Variants in NUP35 observed in about 807,000 individuals in gnomAD.
NUP35 encodes the protein nucleoporin NUP35.
A neutral mutation model predicts 41.5 loss-of-function variants in NUP35; 25 were observed. The observed-to-expected ratio is 0.60, with a 90% CI of 0.44 to 0.84. NUP35 has a LOEUF of 0.84. Among genes scored for constraint, NUP35 ranks in the 40% least tolerant of loss-of-function variants. The pLI is 0.00. For synonymous variants in NUP35, 149 were observed against 130.7 expected (o/e 1.14, Z -0.96); for missense variants, 396 against 396.6 (o/e 1.00, Z 0.01).
At chr2:183,138,735 A>G (rs992938971) in intron 4 of NUP35, among the ~76,000 whole-genome samples, 1 of 151,588 alleles carries the variant, frequency 6.6e-6, no homozygotes, top group Non-Finnish European at 1.5e-5. Context: ...AAGTTCTTTC[A>G]CTTATATATT....
At chr2:183,141,631 T>C (rs1685100459) in intron 4 of NUP35, among the ~76,000 whole-genome samples, 1 of 152,228 alleles carries the variant, frequency 6.6e-6, no homozygotes, top group Non-Finnish European at 1.5e-5. Context: ...GATTCTCCAA[T>C]AGTTAATAAT....
chr2:183,161,647 TAA>T lies in NUP35; in HGVS notation c.*518_*519del, dbSNP rs1203383202. 1 of 152,278 alleles carries T rather than the reference TAA, an allele frequency of 6.6e-6. No individual in the cohort carries two copies. The highest frequency in any genetic ancestry group is 1.9e-4 in the East Asian group (1 of 5,204). 9.4% of individuals were successfully genotyped at this position (152,278 alleles called of 1,614,324 possible). On this transcript the variant is annotated 3_prime_UTR_variant, in exon 9 of 9. Coordinates refer to ENST00000295119, the MANE Select transcript of NUP35 (RefSeq NM_138285.5). ...AAAACGAGCATTCTTTTAAAAAACC[TAA>T]AGTTTCTTGATAATAAACATTGTCA...
In NUP35 at chr2:183,158,420, T is replaced by C. The variant is rs756887954; in HGVS notation, c.738+9T>C. The C allele has an allele frequency of 1.5e-5, 24 of 1,589,270 alleles. 1 individual carries two copies. In the South Asian group the frequency reaches 2.6e-4, roughly 18 times the overall value. On this transcript the variant is annotated intron_variant, in intron 7 of 8. Transcript: ENST00000295119. ...AACCATGTATTGACAAAGTAAGTTA[T>C]TGGTGATGTAGGCAAAGTAGCTTAA...
intron 4 of NUP35, among the ~76,000 whole-genome samples, chr2:183,140,170 C>G (rs1211371853): frequency 6.6e-6 from 1 of 152,102 alleles, no homozygotes; most frequent in Non-Finnish European, 1.5e-5. Flanking sequence ...TGAAGTAGGC[C>G]TCAGTGGACT....
intron 3 of NUP35, 151 bp from the exon 4 acceptor site, chr2:183,133,415 T>C (rs1684764623): frequency 9.2e-6 from 5 of 544,304 alleles, no homozygotes; most frequent in South Asian, 7.9e-5. Flanking sequence ...GTTTAACTTA[T>C]GGGGAAAAAA....
At chr2:183,133,510 A>C in intron 3 of NUP35, 56 bp from the exon 4 acceptor site, 1 of 1,390,696 alleles carries the variant, frequency 7.2e-7, no homozygotes, top group Non-Finnish European at 1.0e-6. Context: ...GCCTTTTAAC[A>C]CTTACTGTAT....
intron 5 of NUP35, among the ~76,000 whole-genome samples, chr2:183,157,040 G>A (rs540416905): frequency 1.3e-5 from 2 of 152,058 alleles, no homozygotes; most frequent in East Asian, 1.9e-4. Context: ...ATAATGATTC[G>A]TTTATAATTT....
At chr2:183,149,799 T>G (rs150190192) in intron 4 of NUP35, among the ~76,000 whole-genome samples, 81 of 152,358 alleles carry the variant, frequency 5.3e-4, no homozygotes, top group African/African-American at 1.9e-3. Flanking sequence ...TATTATCCTG[T>G]TTCCTAATTT....
upstream of NUP35, among the ~76,000 whole-genome samples, chr2:183,122,063 ATCTTTT>A (rs1480811503): frequency 2.0e-5 from 3 of 150,088 alleles, no homozygotes; most frequent in East Asian, 2.0e-4. Context: ...TTTGGTGCAA[ATCTTTT>A]TCTTTTTCTT....
intron 8 of NUP35, 33 bp downstream of exon 8, chr2:183,159,685 T>TAA: frequency 6.4e-7 from 1 of 1,552,488 alleles, no homozygotes; most frequent in Non-Finnish European, 8.9e-7. Context: ...AAAGATGTAC[T>TAA]TTAATGGCTG....
intron 1 of NUP35, among the ~76,000 whole-genome samples, chr2:183,125,718 A>G (rs1009849685): frequency 6.6e-6 from 1 of 152,232 alleles, no homozygotes; most frequent in African/African-American, 2.4e-5. Context: ...AATGTGAGTA[A>G]ACCAATCCCT....
At chr2:183,140,375 G>A (rs1046486829) in intron 4 of NUP35, among the ~76,000 whole-genome samples, 2 of 151,588 alleles carry the variant, frequency 1.3e-5, no homozygotes, top group Non-Finnish European at 2.9e-5. Context: ...GGACCTTATT[G>A]GTTATATTGG....
chr2:183,159,785 C>T (rs748925134), intron 8 of NUP35, 133 bp downstream of exon 8: 92 of 622,650 alleles, frequency 1.5e-4, no homozygotes, highest in Non-Finnish European at 1.8e-4. Flanking sequence ...GAAACCTTTA[C>T]GCTTTAAAAG....
At chr2:183,148,288 G>A (rs1685348589) in intron 4 of NUP35, among the ~76,000 whole-genome samples, 1 of 152,076 alleles carries the variant, frequency 6.6e-6, no homozygotes, top group Admixed American at 6.6e-5. Context: ...CTATCTTTTT[G>A]TTATATTATT....
chr2:183,118,860 T>C (rs1019624493), intron 1 of NUP35: 5 of 152,210 alleles, frequency 3.3e-5, no homozygotes, highest in Admixed American at 6.5e-5. Context: ...GGGTTTTACA[T>C]GTTGGCATAC....
At chr2:183,137,886 C>T (rs2952362) in intron 4 of NUP35, among the ~76,000 whole-genome samples, 113 of 151,758 alleles carry the variant, frequency 7.4e-4, no homozygotes, top group African/African-American at 2.6e-3. Flanking sequence ...ATTTTCCTAC[C>T]GTTGTCAAGT....
intron 5 of NUP35, among the ~76,000 whole-genome samples, chr2:183,153,767 G>A (rs1439095608): frequency 1.3e-5 from 2 of 152,170 alleles, no homozygotes; most frequent in African/African-American, 2.4e-5. Flanking sequence ...GGGGACTGGA[G>A]GATGGTGGCC....
Position 183,159,633 on chromosome 2 carries a change from C to T in NUP35, c.884C>T (p.Ala295Val). Residue 295 changes from alanine (A) to valine (V), a missense_variant, in exon 8 of 9, where the codon GCC becomes GTC. Transcript: ENST00000295119. ...TMRPLATAYK[A>V]STSDYQVISD... ...AGACCTCTTGCTACAGCATACAAAGCCTCTACTAGTGATTATCAGGTATTT... is the reference window on the plus strand; with the variant it reads ...AGACCTCTTGCTACAGCATACAAAGTCTCTACTAGTGATTATCAGGTATTT... The T allele has an allele frequency of 6.2e-7, 1 of 1,612,506 alleles. No individual in the cohort carries two copies. The highest frequency in any genetic ancestry group is 1.7e-5 in the Admixed American group (1 of 59,852).
Position 183,158,298 on chromosome 2 carries a change from A to G in NUP35, c.625A>G (p.Asn209Asp), listed in dbSNP as rs777369395. 1.9e-6 allele frequency: 3 copies of G among 1,593,942 alleles called. No homozygotes were observed. The highest frequency in any genetic ancestry group is 2.3e-5 in the South Asian group (2 of 87,456). ...ILKHVMSNTGNWMHIRYQSKL... is the reference protein window; with the variant it reads ...ILKHVMSNTGDWMHIRYQSKL... ...TTCTTTGCAGATGTCTAATACAGGAAATTGGATGCATATTCGTTATCAATC... is the reference window on the plus strand; with the variant it reads ...TTCTTTGCAGATGTCTAATACAGGAGATTGGATGCATATTCGTTATCAATC... The change falls in exon 7 of 9, where the codon AAT becomes GAT. Residue 209 changes from asparagine (N) to aspartate (D), a missense_variant. Physicochemically the swap from Asn to Asp is conservative, Grantham distance 23 (BLOSUM62 1). Coordinates refer to ENST00000295119, the MANE Select transcript of NUP35 (RefSeq NM_138285.5).
Sources: gnomAD v4.1 joint callset for allele counts (sites outside exome capture counted in the v4.1 genomes callset) on GRCh38, gnomAD v4.1.1 for gene constraint, MANE v1.5 for transcripts, NCBI Gene and HGNC (gene_info 2026-07-23, HGNC 2026-07-21) for gene names.